The following TECPR2 variants were observed in gnomAD, a reference collection of about 807,000 sequenced individuals.
The protein encoded by TECPR2 is tectonin beta-propeller repeat containing 2, also known as tectonin beta-propeller repeat-containing protein 2.
TECPR2 carries 65 observed loss-of-function variants against 138.1 expected under a neutral mutation model. That is an observed-to-expected ratio of 0.47 (90% CI 0.39 to 0.58). TECPR2 has a LOEUF of 0.58. Among genes scored for constraint, TECPR2 ranks in the 20% least tolerant of loss-of-function variants. The pLI, the probability that TECPR2 is intolerant of heterozygous loss-of-function variation, is 0.00. For missense variants in TECPR2, 1,553 were observed against 1,824.5 expected (o/e 0.85, Z 2.71); for synonymous variants, 746 against 749.8 (o/e 0.99, Z 0.08).
At chr14:102,396,110 T>C (rs1245452615) in intron 2 of TECPR2, among the ~76,000 whole-genome samples, 3 of 151,536 alleles carry the variant, frequency 2.0e-5, no homozygotes, top group African/African-American at 7.3e-5. Context: ...TACTCTTTTT[T>C]TTTTTTTTTT....
At chr14:102,370,936 A>G (rs575051687) in intron 1 of TECPR2, among the ~76,000 whole-genome samples, 11 of 152,356 alleles carry the variant, frequency 7.2e-5, no homozygotes, top group African/African-American at 2.6e-4. Flanking sequence ...AGCATGGCCC[A>G]GGCAACTGGT....
intron 19 of TECPR2, 60 bp downstream of exon 19, chr14:102,497,779 G>C (rs1891328879): frequency 2.0e-6 from 3 of 1,494,902 alleles, no homozygotes; most frequent in Admixed American, 2.2e-5. Context: ...TCCTGTGGAC[G>C]ATGTCGGGGG....
chr14:102,461,968 C>T (rs1384849693), intron 16 of TECPR2, among the ~76,000 whole-genome samples: 30 of 152,184 alleles, frequency 2.0e-4, no homozygotes, highest in Admixed American at 2.0e-3. Flanking sequence ...TGCAGGAAAG[C>T]CCTCAGTTCA....
At position 102,445,956 on chromosome 14, in the gene TECPR2, T is replaced by C; in HGVS notation, c.3075+9T>C. On this transcript the variant is annotated intron_variant, in intron 13 of 19. Coordinates refer to ENST00000359520, the MANE Select transcript of TECPR2 (RefSeq NM_014844.5). The stretch of plus-strand genomic sequence containing the variant: ...ACGACCATTGGTGGCAAGTAGGTGT[T>C]CAGCTCTGCGCCACGTGCCGAGGTC... 1 of 1,613,016 alleles carries C rather than the reference T, an allele frequency of 6.2e-7. No individual in the cohort carries two copies. Among genetic ancestry groups the C allele is most frequent in the African/African-American group, 1.3e-5 (1 of 74,968 alleles).
At chr14:102,437,046 G>C (rs1482338889) in intron 9 of TECPR2, 1 of 985,432 alleles carries the variant, frequency 1.0e-6, no homozygotes, top group Non-Finnish European at 1.2e-6. Context: ...GGGAAGCCAA[G>C]AAATTTTATG....
At chr14:102,424,822 T>C (rs1889270655) in intron 5 of TECPR2, among the ~76,000 whole-genome samples, 157 bp from the exon 6 acceptor site, 1 of 152,166 alleles carries the variant, frequency 6.6e-6, no homozygotes, top group South Asian at 2.1e-4. Context: ...GATGACAGTG[T>C]GGTTTGACAA....
intron 17 of TECPR2, among the ~76,000 whole-genome samples, chr14:102,472,862 C>G (rs1164267633): frequency 6.6e-6 from 1 of 152,250 alleles, no homozygotes; most frequent in Non-Finnish European, 1.5e-5. Context: ...GGTGCTGCCC[C>G]TGCCGAGGCT....
rs1891304145 is a variant in TECPR2, at chr14:102,497,104, C to CTGGGAGCATGTGCCAGG, written c.3917_3931+2dup. The CTGGGAGCATGTGCCAGG allele has an allele frequency of 1.2e-6, 2 of 1,611,994 alleles. No homozygotes were observed. Among genetic ancestry groups the CTGGGAGCATGTGCCAGG allele is most frequent in the Non-Finnish European group, 1.7e-6 (2 of 1,179,944 alleles). ...CCGAGGAGATGCCTGTGGGGACCGC[C>CTGGGAGCATGTGCCAGG]TGGGAGCATGTGCCAGGTAGGAGCC... On this transcript the variant is annotated frameshift_variant, in exon 18 of 20. Coordinates refer to ENST00000359520, the MANE Select transcript of TECPR2 (RefSeq NM_014844.5). LOFTEE classifies it high-confidence loss of function.
chr14:102,480,919 A>T lies in TECPR2; in HGVS notation c.3789+15630A>T, dbSNP rs370500166. Among the ~76,000 whole-genome samples the T allele has an allele frequency of 8.6e-4, 107 of 124,284 alleles. 2 individuals are homozygous for T. The highest frequency in any genetic ancestry group is 3.3e-3 in the African/African-American group (104 of 31,782). 81.5% of individuals were successfully genotyped at this position (124,284 alleles called of 152,430 possible). On this transcript the variant is annotated intron_variant, in intron 17 of 19. Coordinates refer to ENST00000359520, the MANE Select transcript of TECPR2 (RefSeq NM_014844.5). ...GAGTTCAGTGGGGTGATCTTGGCTCACTGCAACCTCCGCCTCTTGGGTTCA... is the reference window on the plus strand; with the variant it reads ...GAGTTCAGTGGGGTGATCTTGGCTCTCTGCAACCTCCGCCTCTTGGGTTCA...
At chr14:102,481,957 G>A (rs1322038295) in intron 17 of TECPR2, among the ~76,000 whole-genome samples, 3 of 152,208 alleles carry the variant, frequency 2.0e-5, no homozygotes, top group Admixed American at 6.5e-5. Flanking sequence ...TCTTCACAGC[G>A]GAGGCAGGGG....
chr14:102,497,456 T>C, intron 18 of TECPR2, 114 bp from the exon 19 acceptor site: 1 of 1,338,686 alleles, frequency 7.5e-7, no homozygotes, highest in Non-Finnish European at 9.8e-7. Context: ...TCATGGGCAC[T>C]CCGTCCCCGC....
At chr14:102,469,824 A>G (rs938097733) in intron 17 of TECPR2, among the ~76,000 whole-genome samples, 2 of 152,082 alleles carry the variant, frequency 1.3e-5, no homozygotes, top group Non-Finnish European at 2.9e-5. Context: ...GGTTTTGTCA[A>G]ATGCTTTTTC....
At chr14:102,433,240 A>G (rs1245880620) in intron 8 of TECPR2, among the ~76,000 whole-genome samples, 1 of 151,092 alleles carries the variant, frequency 6.6e-6, no homozygotes, top group South Asian at 2.1e-4. Flanking sequence ...GGTTTGTTAC[A>G]TGGGTATACA....
chr14:102,459,378 C>T (rs993699475), intron 16 of TECPR2, among the ~76,000 whole-genome samples: 16 of 152,176 alleles, frequency 1.1e-4, no homozygotes, highest in African/African-American at 3.4e-4. Flanking sequence ...TCATCACACA[C>T]AGTAGCCTGG....
At chr14:102,439,497 T>G (rs886475596) in intron 10 of TECPR2, among the ~76,000 whole-genome samples, 1 of 152,238 alleles carries the variant, frequency 6.6e-6, no homozygotes, top group Non-Finnish European at 1.5e-5. Flanking sequence ...TACACAGTTG[T>G]GTGTTTTAAT....
intron 9 of TECPR2, 128 bp from the exon 10 acceptor site, chr14:102,437,894 C>T: frequency 1.8e-6 from 2 of 1,084,518 alleles, no homozygotes; most frequent in Admixed American, 2.3e-5. Context: ...GAAGGGTTGA[C>T]TTGGCGTCTT....
intron 17 of TECPR2, among the ~76,000 whole-genome samples, chr14:102,474,340 T>C (rs968849092): frequency 3.3e-5 from 5 of 152,046 alleles, no homozygotes; most frequent in East Asian, 1.9e-4. Context: ...GTGACTGTTA[T>C]GGGGCCGGGC....
In TECPR2 at chr14:102,465,188, G is replaced by A. The variant is rs1462552899; in HGVS notation, c.3688G>A (p.Ala1230Thr). The A allele has an allele frequency of 1.9e-6, 3 of 1,614,250 alleles. No individual in the cohort carries two copies. The South Asian group carries it at 3.3e-5, about 18-fold the overall frequency. The change falls in exon 17 of 20, where the codon GCC becomes ACC. Residue 1230 changes from alanine to threonine, a missense_variant. Coordinates refer to ENST00000359520, the MANE Select transcript of TECPR2 (RefSeq NM_014844.5). ...GGCATGTGGAAATCAGCACATCTGGGCCTGTGATTCCAGGGGTGGAGTTTA... is the reference window on the plus strand; with the variant it reads ...GGCATGTGGAAATCAGCACATCTGGACCTGTGATTCCAGGGGTGGAGTTTA... ...SLACGNQHIW[A>T]CDSRGGVYFR...
intron 17 of TECPR2, among the ~76,000 whole-genome samples, chr14:102,473,776 T>C (rs1352507952): frequency 1.3e-5 from 2 of 152,204 alleles, no homozygotes; most frequent in Admixed American, 6.5e-5. Context: ...GTCTGGAGTT[T>C]GCTGTTTGAG....
Sources: gnomAD v4.1 joint callset for allele counts (sites outside exome capture counted in the v4.1 genomes callset) on GRCh38, gnomAD v4.1.1 for gene constraint, MANE v1.5 for transcripts, NCBI Gene and HGNC (gene_info 2026-07-23, HGNC 2026-07-21) for gene names.